The following COL4A4 variants were observed in gnomAD, a reference collection of about 807,000 sequenced individuals.
COL4A4 encodes the protein collagen type IV alpha 4 chain.
In COL4A4, 105 loss-of-function variants were observed where a neutral mutation model predicts 192.9. That is an observed-to-expected ratio of 0.54 (90% CI 0.46 to 0.64). The LOEUF (loss-of-function observed/expected upper bound fraction) is 0.64. Ranked by LOEUF, COL4A4 falls within the 30% of genes least tolerant of loss-of-function variation. The pLI, the probability that COL4A4 is intolerant of heterozygous loss-of-function variation, is 0.00. For synonymous variants in COL4A4, 762 were observed against 769.9 expected, an observed-to-expected ratio of 0.99 and a Z score of 0.17; for missense variants, 1,967 against 2,169.3, an observed-to-expected ratio of 0.91 and a Z score of 1.85.
intron 41 of COL4A4, among the ~76,000 whole-genome samples, chr2:227,028,258 A>C (rs2149929460): frequency 6.6e-6 from 1 of 152,338 alleles, no homozygotes; most frequent in East Asian, 1.9e-4. Context: ...TACAATGAAA[A>C]GAAGTCCTAT....
At position 227,051,851 on chromosome 2, in the gene COL4A4, G is replaced by A. The variant is rs183591978; in HGVS notation, c.2968+454C>T. Among the ~76,000 whole-genome samples the A allele has an allele frequency of 1.3e-4, 20 of 152,108 alleles. 1 individual carries two copies. The East Asian group carries it at 3.5e-3, about 26-fold the overall frequency. On this transcript the variant is annotated intron_variant, in intron 32 of 47. Transcript: ENST00000396625. ...AACTTCAGCTAAATTTTAGCATGGA[G>A]AAGCAAAAAATGTACCACAAGGTTT...
chr2:226,997,825 A>G (rs578082742), downstream of COL4A4: 6 of 152,314 alleles, frequency 3.9e-5, no homozygotes, highest in African/African-American at 1.2e-4. Flanking sequence ...CACAACAATA[A>G]AGATGTTCTG....
At chr2:227,151,194 A>G (rs897441081) in intron 1 of COL4A4, among the ~76,000 whole-genome samples, 2 of 152,172 alleles carry the variant, frequency 1.3e-5, no homozygotes, top group African/African-American at 4.8e-5. Context: ...CATACTTGAA[A>G]ATATATTGAT....
intron 46 of COL4A4, 33 bp downstream of exon 46, chr2:227,010,280 A>G: frequency 1.2e-6 from 2 of 1,612,238 alleles, no homozygotes; most frequent in South Asian, 2.2e-5. Context: ...TTTACTCTTC[A>G]GGCAATGGAG....
intron 7 of COL4A4, among the ~76,000 whole-genome samples, chr2:227,117,099 A>AT (rs1394382951): frequency 1.3e-5 from 2 of 152,218 alleles, no homozygotes; most frequent in Non-Finnish European, 2.9e-5. Flanking sequence ...TAATTTTCTC[A>AT]TCAGTTGATA....
chr2:227,078,280 T>C (rs1358375112), intron 24 of COL4A4, among the ~76,000 whole-genome samples: 2 of 152,206 alleles, frequency 1.3e-5, no homozygotes. Flanking sequence ...TCTCTCTCTG[T>C]CACCCAGGCT....
chr2:227,049,393 C>G (rs1313249706), intron 34 of COL4A4, among the ~76,000 whole-genome samples: 2 of 152,208 alleles, frequency 1.3e-5, no homozygotes, highest in East Asian at 3.8e-4. Context: ...TATTGGAAAA[C>G]AGCCACACTC....
At chr2:227,029,918 C>T (rs2149949828) in intron 41 of COL4A4, among the ~76,000 whole-genome samples, 1 of 152,280 alleles carries the variant, frequency 6.6e-6, no homozygotes, top group South Asian at 2.1e-4. Flanking sequence ...CTAGTTAGCA[C>T]TTGAAATGTG....
intron 2 of COL4A4, among the ~76,000 whole-genome samples, chr2:227,145,203 T>C (rs1030946350): frequency 1.3e-5 from 2 of 152,118 alleles, no homozygotes; most frequent in Non-Finnish European, 2.9e-5. Flanking sequence ...ATCCCAGAAC[T>C]TTAGGAGGCC....
chr2:227,149,002 T>G (rs1281631792), intron 1 of COL4A4, among the ~76,000 whole-genome samples: 1 of 151,904 alleles, frequency 6.6e-6, no homozygotes, highest in Non-Finnish European at 1.5e-5. Context: ...GGCTAATTTT[T>G]TATTTATTTA....
At chr2:226,984,688 G>C in the COL4A4 span, among the ~76,000 whole-genome samples, 1 of 152,200 alleles carries the variant, frequency 6.6e-6, no homozygotes, top group South Asian at 2.1e-4. Context: ...TCTCCTGAAA[G>C]GAACCACTGG....
chr2:227,063,906 T>G (rs1316160240), intron 25 of COL4A4, among the ~76,000 whole-genome samples: 2 of 152,054 alleles, frequency 1.3e-5, no homozygotes, highest in Non-Finnish European at 2.9e-5. Context: ...AAAAGCAATT[T>G]TGGTATGTCA....
rs1961554562 is a variant in COL4A4, at chr2:227,004,052, G to A, written c.*3273C>T. 2.0e-5 allele frequency: 3 copies of A among 152,286 alleles called. No individual in the cohort carries two copies. In the South Asian group the frequency reaches 6.2e-4, roughly 32 times the overall value. The allele number at this position is 152,286 out of a possible 1,614,324, so 9.4% of individuals were successfully genotyped here. The stretch of plus-strand genomic sequence containing the variant: ...AATGCCTAATGATGTTTATGGAATT[G>A]TCATTGAAAAAAATGAATTGGCAGT... On this transcript the variant is annotated 3_prime_UTR_variant, in exon 48 of 48. Coordinates refer to ENST00000396625, the MANE Select transcript of COL4A4 (RefSeq NM_000092.5).
rs909844476 is a variant in COL4A4 at position 227,004,196 on chromosome 2, A to C, written c.*3129T>G. The C allele has an allele frequency of 1.3e-5, 2 of 152,288 alleles. No individual in the cohort carries two copies. Among genetic ancestry groups the C allele is most frequent in the South Asian group, 2.1e-4 (1 of 4,836 alleles). 9.4% of individuals were successfully genotyped at this position (152,288 alleles called of 1,614,324 possible). On this transcript the variant is annotated 3_prime_UTR_variant, in exon 48 of 48. Transcript: ENST00000396625. ...AAGGAAGTGCACTGAGACATTAAAG[A>C]AGCAATGGGGAACGGAGAAAATGAG...
intron 29 of COL4A4, 109 bp from the exon 30 acceptor site, chr2:227,056,224 A>G: frequency 3.2e-6 from 3 of 944,288 alleles, no homozygotes; most frequent in Non-Finnish European, 5.1e-6. Flanking sequence ...CAGTAAAGCA[A>G]TATTTGTTGG....
At chr2:227,139,807 C>T (rs927665903) in intron 4 of COL4A4, among the ~76,000 whole-genome samples, 4 of 152,162 alleles carry the variant, frequency 2.6e-5, no homozygotes, top group African/African-American at 9.7e-5. Flanking sequence ...ACCAAACAAA[C>T]TTGGATTTTT....
intron 38 of COL4A4, 142 bp downstream of exon 38, chr2:227,033,268 A>G (rs997769681): frequency 2.9e-6 from 2 of 700,840 alleles, no homozygotes; most frequent in African/African-American, 3.5e-5. Context: ...AATAGCTCCA[A>G]TAGTGTGTCT....
rs1261330274 is a variant in COL4A4 at position 227,156,764 on chromosome 2, G to A, written c.-102+7243C>T. Among the ~76,000 whole-genome samples the A allele has an allele frequency of 8.5e-5, 13 of 152,172 alleles. No homozygotes were observed. The South Asian group carries it at 2.7e-3, about 32-fold the overall frequency. On this transcript the variant is annotated intron_variant, in intron 1 of 47. Coordinates refer to ENST00000396625, the MANE Select transcript of COL4A4 (RefSeq NM_000092.5). Reference sequence around the variant, plus strand: ...AGGATAGGCAGTGACCCTTGATAATGATTTAAAAATTAATATTGCAGGAAG... The same window carrying A: ...AGGATAGGCAGTGACCCTTGATAATAATTTAAAAATTAATATTGCAGGAAG...
At position 227,047,551 on chromosome 2, in the gene COL4A4, T is replaced by C. The variant is rs773749782; in HGVS notation, c.3215-2A>G. On this transcript the variant is annotated splice_acceptor_variant, in intron 34 of 47. Coordinates refer to ENST00000396625, the MANE Select transcript of COL4A4 (RefSeq NM_000092.5). LOFTEE classifies it high-confidence loss of function. ...GACTGGCAGGGTCACCTTTGTTTCCTGAAAGGGATAAAATGCATGTGACAT... is the reference window on the plus strand; with the variant it reads ...GACTGGCAGGGTCACCTTTGTTTCCCGAAAGGGATAAAATGCATGTGACAT... The C allele has an allele frequency of 6.2e-7, 1 of 1,610,704 alleles. No individual in the cohort carries two copies. The highest frequency in any genetic ancestry group is 1.1e-5 in the South Asian group (1 of 90,978).
Sources: allele counts gnomAD v4.1 joint callset (sites outside exome capture counted in the v4.1 genomes callset), GRCh38; gene constraint gnomAD v4.1.1; transcripts MANE v1.5; gene names NCBI Gene and HGNC (gene_info 2026-07-23, HGNC 2026-07-21).